Variants in KCNQ3 observed in about 807,000 individuals in gnomAD.
KCNQ3 encodes the protein potassium voltage-gated channel subfamily Q member 3.
KCNQ3 carries 30 observed loss-of-function variants against 92.5 expected under a neutral mutation model. The observed-to-expected ratio is 0.32, with a 90% CI of 0.24 to 0.44. KCNQ3 has a LOEUF of 0.44. KCNQ3 is among the 20% of genes least tolerant of loss of function. The probability of loss-of-function intolerance (pLI) is 1.00; values close to 1 mark genes in which losing one functional copy is unlikely to be tolerated. For synonymous variants in KCNQ3, 450 were observed against 468.8 expected (o/e 0.96, Z 0.52); for missense variants, 913 against 1,140.3 (o/e 0.80, Z 2.87).
At chr8:132,440,990 ACT>A (rs2130837280) in intron 1 of KCNQ3, among the ~76,000 whole-genome samples, 1 of 152,196 alleles carries the variant, frequency 6.6e-6, no homozygotes, top group East Asian at 1.9e-4. Flanking sequence ...CCTGCACTTA[ACT>A]CTCTATTCTT....
Position 132,444,263 on chromosome 8 carries a change from T to C in KCNQ3, c.386+35884A>G, listed in dbSNP as rs1171620573. 2.0e-5 allele frequency among the ~76,000 whole-genome samples: 3 copies of C among 152,184 alleles called. No individual in the cohort carries two copies. In the South Asian group the frequency reaches 6.2e-4, roughly 32 times the overall value. Reference sequence around the variant, plus strand: ...AATCCTTTTGCACCTGTCTCCTGTGTGCTCCCTCCTGCCCTCCTCACCCAG... The same window carrying C: ...AATCCTTTTGCACCTGTCTCCTGTGCGCTCCCTCCTGCCCTCCTCACCCAG... On this transcript the variant is annotated intron_variant, in intron 1 of 14. Coordinates refer to ENST00000388996, the MANE Select transcript of KCNQ3 (RefSeq NM_004519.4).
intron 1 of KCNQ3, among the ~76,000 whole-genome samples, chr8:132,435,322 T>C (rs1279262375): frequency 1.3e-5 from 2 of 152,158 alleles, no homozygotes; most frequent in Non-Finnish European, 2.9e-5. Context: ...CAAGAACAGG[T>C]CTGGGGTCGT....
chr8:132,434,217 A>T (rs962376906), intron 1 of KCNQ3, among the ~76,000 whole-genome samples: 1 of 149,494 alleles, frequency 6.7e-6, no homozygotes, highest in East Asian at 2.0e-4. Context: ...CAAAAAAAAA[A>T]AAAAAAAAAA....
At chr8:132,215,181 A>G (rs567763790) in intron 1 of KCNQ3, among the ~76,000 whole-genome samples, 12 of 152,324 alleles carry the variant, frequency 7.9e-5, no homozygotes, top group Middle Eastern at 3.4e-3. Flanking sequence ...GTGGGACCTT[A>G]GGCCAGTCAC....
rs1820240647 is a variant in KCNQ3 at position 132,398,125 on chromosome 8, C to T, written c.386+82022G>A. 1.3e-5 allele frequency among the ~76,000 whole-genome samples: 2 copies of T among 152,118 alleles called. 1 individual carries two copies. Among genetic ancestry groups the T allele is most frequent in the Middle Eastern group, 6.3e-3 (2 of 316 alleles). Reference sequence around the variant, plus strand: ...ATCCACAGCAATTTTTTTAAATCATCAAGTTTTTAGAGAAACCTTTTGGTT... The same window carrying T: ...ATCCACAGCAATTTTTTTAAATCATTAAGTTTTTAGAGAAACCTTTTGGTT... On this transcript the variant is annotated intron_variant, in intron 1 of 14. Transcript: ENST00000388996.
At chr8:132,478,449 G>A (rs2130872699) in intron 1 of KCNQ3, among the ~76,000 whole-genome samples, 1 of 152,320 alleles carries the variant, frequency 6.6e-6, no homozygotes, top group Middle Eastern at 3.4e-3. Context: ...CGAACTTCTT[G>A]TGCCTTTTTT....
chr8:132,439,634 C>T (rs753966389), intron 1 of KCNQ3, among the ~76,000 whole-genome samples: 1 of 151,930 alleles, frequency 6.6e-6, no homozygotes, highest in Non-Finnish European at 1.5e-5. Flanking sequence ...GAGGAGGGGG[C>T]AGAGAGGAGT....
At chr8:132,451,353 A>T (rs766327227) in intron 1 of KCNQ3, among the ~76,000 whole-genome samples, 27 of 152,230 alleles carry the variant, frequency 1.8e-4, no homozygotes, top group Non-Finnish European at 3.5e-4. Flanking sequence ...CTTTATTAGC[A>T]ATGTGAGAAC....
intron 1 of KCNQ3, among the ~76,000 whole-genome samples, chr8:132,395,382 T>A (rs1820166911): frequency 6.6e-6 from 1 of 152,152 alleles, no homozygotes. Flanking sequence ...CCCAGAAATC[T>A]CCAATCACAC....
chr8:132,316,099 T>A (rs1425300622), intron 1 of KCNQ3, among the ~76,000 whole-genome samples: 1 of 152,340 alleles, frequency 6.6e-6, no homozygotes, highest in Middle Eastern at 3.4e-3. Flanking sequence ...CTTGCTTATT[T>A]TTTTTTCCTG....
intron 1 of KCNQ3, among the ~76,000 whole-genome samples, chr8:132,281,279 C>G (rs1816503473): frequency 6.6e-6 from 1 of 152,168 alleles, no homozygotes; most frequent in South Asian, 2.1e-4. Flanking sequence ...TGGGAACTTA[C>G]AGGCAAACCT....
chr8:132,373,679 G>T (rs1416406269), intron 1 of KCNQ3, among the ~76,000 whole-genome samples: 1 of 152,064 alleles, frequency 6.6e-6, no homozygotes, highest in Admixed American at 6.5e-5. Flanking sequence ...CTTGCTGACT[G>T]CATTGAAAGA....
At chr8:132,342,323 C>G (rs963444439) in intron 1 of KCNQ3, among the ~76,000 whole-genome samples, 1 of 149,958 alleles carries the variant, frequency 6.7e-6, no homozygotes, top group African/African-American at 2.5e-5. Flanking sequence ...TTTCTTTTTT[C>G]TTTTTTTTTA....
intron 1 of KCNQ3, among the ~76,000 whole-genome samples, chr8:132,202,831 T>C (rs975336604): frequency 2.0e-5 from 3 of 152,224 alleles, no homozygotes; most frequent in Admixed American, 6.5e-5. Context: ...TTCCAAATTC[T>C]TGCAGCCTCT....
intron 9 of KCNQ3, among the ~76,000 whole-genome samples, chr8:132,142,290 A>G (rs1825321119): frequency 6.6e-6 from 1 of 152,322 alleles, no homozygotes; most frequent in African/African-American, 2.4e-5. Flanking sequence ...GCAAAAAGCC[A>G]GTTGCACCTT....
At chr8:132,398,629 G>A (rs1820255525) in intron 1 of KCNQ3, among the ~76,000 whole-genome samples, 1 of 152,118 alleles carries the variant, frequency 6.6e-6, no homozygotes, top group Admixed American at 6.6e-5. Context: ...TATATAAATA[G>A]TATAAACCAG....
intron 1 of KCNQ3, among the ~76,000 whole-genome samples, chr8:132,348,768 C>T (rs758769894): frequency 1.4e-4 from 21 of 152,198 alleles, no homozygotes; most frequent in Non-Finnish European, 2.6e-4. Context: ...TCTTGACTTT[C>T]TAGGCTAGTA....
intron 1 of KCNQ3, among the ~76,000 whole-genome samples, chr8:132,254,141 G>A (rs921048977): frequency 1.3e-5 from 2 of 152,164 alleles, no homozygotes; most frequent in African/African-American, 4.8e-5. Context: ...GACTGATTTC[G>A]AATCTGCATT....
At chr8:132,375,921 T>C (rs1180872540) in intron 1 of KCNQ3, among the ~76,000 whole-genome samples, 1 of 152,220 alleles carries the variant, frequency 6.6e-6, no homozygotes, top group Non-Finnish European at 1.5e-5. Context: ...TTCACCACTC[T>C]GGAGTCAATT....
Sources: allele counts gnomAD v4.1 joint callset (sites outside exome capture counted in the v4.1 genomes callset), GRCh38; gene constraint gnomAD v4.1.1; transcripts MANE v1.5; gene names NCBI Gene and HGNC (gene_info 2026-07-23, HGNC 2026-07-21).